Variants in ASAP1 observed in about 807,000 individuals in gnomAD.
The protein encoded by ASAP1 is ArfGAP with SH3 domain, ankyrin repeat and PH domain 1, also known as arf-GAP with SH3 domain, ANK repeat and PH domain-containing protein 1.
Under a neutral mutation model 145.2 loss-of-function variants are expected in ASAP1, and 43 were observed. That is an observed-to-expected ratio of 0.30 (90% CI 0.23 to 0.38). ASAP1 has a LOEUF of 0.38. ASAP1 is among the 10% of genes least tolerant of loss of function. The pLI is 1.00. For missense variants in ASAP1, 1,018 were observed against 1,355.3 expected (o/e 0.75, Z 3.91); for synonymous variants, 546 against 515.5 (o/e 1.06, Z -0.80).
chr8:130,302,984 A>C (rs1017933303), intron 3 of ASAP1, among the ~76,000 whole-genome samples: 1 of 152,188 alleles, frequency 6.6e-6, no homozygotes, highest in Non-Finnish European at 1.5e-5. Flanking sequence ...CAAGAAATTT[A>C]AGTCACCACG....
intron 1 of ASAP1, among the ~76,000 whole-genome samples, chr8:130,432,189 G>A (rs1379536511): frequency 6.6e-6 from 1 of 151,146 alleles, no homozygotes; most frequent in Non-Finnish European, 1.5e-5. Flanking sequence ...AGAAGGGAGA[G>A]AGGGAGGAAG....
At chr8:130,267,988 T>C (rs1467915493) in intron 3 of ASAP1, among the ~76,000 whole-genome samples, 1 of 152,144 alleles carries the variant, frequency 6.6e-6, no homozygotes, top group Non-Finnish European at 1.5e-5. Context: ...GGTGCTCCAT[T>C]CCCTCTGTCC....
chr8:130,277,724 T>C (rs932791655), intron 3 of ASAP1, among the ~76,000 whole-genome samples: 11 of 152,222 alleles, frequency 7.2e-5, no homozygotes, highest in African/African-American at 1.7e-4. Flanking sequence ...TTAGCTCCAA[T>C]TGGGAAATGA....
chr8:130,321,449 AG>A (rs1410755643), intron 3 of ASAP1, among the ~76,000 whole-genome samples: 1 of 152,158 alleles, frequency 6.6e-6, no homozygotes, highest in Non-Finnish European at 1.5e-5. Context: ...CTCAGTCAAT[AG>A]GAATGTGAAC....
chr8:130,244,225 T>G (rs143033015), intron 3 of ASAP1, among the ~76,000 whole-genome samples: 1 of 152,298 alleles, frequency 6.6e-6, no homozygotes, highest in Non-Finnish European at 1.5e-5. Context: ...GGTGAAAGAA[T>G]GAATATCTCT....
At chr8:130,133,049 TAA>T (rs1238350914) in intron 15 of ASAP1, among the ~76,000 whole-genome samples, 1 of 151,430 alleles carries the variant, frequency 6.6e-6, no homozygotes, top group Non-Finnish European at 1.5e-5. Flanking sequence ...TCTCCAGAAA[TAA>T]GAGAGGAACA....
At chr8:130,290,463 T>C (rs1323612724) in intron 3 of ASAP1, among the ~76,000 whole-genome samples, 1 of 152,224 alleles carries the variant, frequency 6.6e-6, no homozygotes, top group Non-Finnish European at 1.5e-5. Flanking sequence ...CCAAGATTCC[T>C]CTTTTCTAAC....
At chr8:130,378,787 A>G (rs1234733408) in intron 2 of ASAP1, among the ~76,000 whole-genome samples, 1 of 152,212 alleles carries the variant, frequency 6.6e-6, no homozygotes, top group Non-Finnish European at 1.5e-5. Context: ...AATGCATATT[A>G]GCAGTTCTAG....
At chr8:130,066,367 G>A (rs980833479) in intron 27 of ASAP1, among the ~76,000 whole-genome samples, 39 of 152,128 alleles carry the variant, frequency 2.6e-4, no homozygotes, top group Non-Finnish European at 4.4e-4. Flanking sequence ...GACAGTACAT[G>A]GGTGGTGTTA....
intron 3 of ASAP1, among the ~76,000 whole-genome samples, chr8:130,280,968 A>T (rs534067441): frequency 6.6e-6 from 1 of 152,284 alleles, no homozygotes; most frequent in East Asian, 1.9e-4. Context: ...TTACAGATTC[A>T]CTTTTTCCAA....
intron 3 of ASAP1, among the ~76,000 whole-genome samples, chr8:130,263,026 A>T (rs956811510): frequency 1.3e-5 from 2 of 152,238 alleles, no homozygotes; most frequent in African/African-American, 2.4e-5. Context: ...ATGGAAACAG[A>T]AAAAGATCCA....
intron 5 of ASAP1, among the ~76,000 whole-genome samples, chr8:130,206,316 C>T (rs183180385): frequency 2.6e-3 from 392 of 152,176 alleles, no homozygotes; most frequent in African/African-American, 8.8e-3. Context: ...ACCAATTTTA[C>T]CATTAGGCAC....
intron 3 of ASAP1, among the ~76,000 whole-genome samples, chr8:130,281,697 G>A (rs1821255966): frequency 6.6e-6 from 1 of 152,222 alleles, no homozygotes; most frequent in African/African-American, 2.4e-5. Context: ...ATCATGGCAT[G>A]TGAACTCATT....
intron 5 of ASAP1, among the ~76,000 whole-genome samples, chr8:130,190,436 GC>G (rs1815060361): frequency 6.6e-6 from 1 of 152,118 alleles, no homozygotes; most frequent in Non-Finnish European, 1.5e-5. Flanking sequence ...TGTTCTTGGT[GC>G]CTTTGTCAAA....
intron 4 of ASAP1, 63 bp from the exon 5 acceptor site, chr8:130,214,764 T>C: frequency 2.2e-6 from 3 of 1,363,310 alleles, no homozygotes; most frequent in Admixed American, 4.5e-5. Context: ...AAAAGTTACT[T>C]TGAACACCGA....
intron 3 of ASAP1, among the ~76,000 whole-genome samples, chr8:130,264,747 T>C (rs1187646191): frequency 1.3e-5 from 2 of 152,196 alleles, no homozygotes; most frequent in African/African-American, 4.8e-5. Flanking sequence ...CCTTCCCTTC[T>C]AGAAACATGC....
chr8:130,406,830 A>G (rs1829051894), intron 1 of ASAP1, among the ~76,000 whole-genome samples: 1 of 152,180 alleles, frequency 6.6e-6, no homozygotes, highest in Non-Finnish European at 1.5e-5. Flanking sequence ...TGGAAGCTGT[A>G]CTTAGAAAAT....
intron 12 of ASAP1, among the ~76,000 whole-genome samples, chr8:130,159,331 A>G (rs1160310684): frequency 6.6e-6 from 1 of 151,944 alleles, no homozygotes; most frequent in Non-Finnish European, 1.5e-5. Context: ...AGTGAATAAA[A>G]GGGTAGAGGG....
chr8:130,060,620 G>T lies in ASAP1; in HGVS notation c.3151C>A (p.Leu1051Met). 6.2e-7 allele frequency: 1 copy of T among 1,614,074 alleles called. No homozygotes were observed. Among genetic ancestry groups the T allele is most frequent in the East Asian group, 2.2e-5 (1 of 44,884 alleles). Reference sequence around the variant, plus strand: ...GGCAGTGGTACGGGCGTCTCTGGCAGAGTAGGCGTGAGGTCGTTGGAGTCT... The same window carrying T: ...GGCAGTGGTACGGGCGTCTCTGGCATAGTAGGCGTGAGGTCGTTGGAGTCT... ...SEDSNDLTPT[L>M]PETPVPLPRK... Residue 1051 changes from leucine (L) to methionine (M), a missense_variant, in exon 28 of 30, where the codon CTG becomes ATG. Physicochemically the swap from Leu to Met is conservative, Grantham distance 15. This residue lies in a region of ASAP1 where 139 missense variants were observed against 131.0 expected (regional missense o/e 1.06). Transcript: ENST00000518721.
Sources: gnomAD v4.1 joint callset for allele counts (sites outside exome capture counted in the v4.1 genomes callset) on GRCh38, gnomAD v4.1.1 for gene constraint, gnomAD v4.1.1 regional missense constraint, MANE v1.5 for transcripts, NCBI Gene and HGNC (gene_info 2026-07-23, HGNC 2026-07-21) for gene names.